Variants in RMND1 observed in about 807,000 individuals in gnomAD.
RMND1 encodes the protein required for meiotic nuclear division protein 1 homolog.
RMND1 carries 41 observed loss-of-function variants against 54.0 expected under a neutral mutation model. That is an observed-to-expected ratio of 0.76 (90% CI 0.59 to 0.98). The LOEUF (loss-of-function observed/expected upper bound fraction) is 0.98. RMND1 is among the 50% of genes least tolerant of loss of function. RMND1 has a pLI of 0.00. For missense variants in RMND1, 457 were observed against 532.0 expected (o/e 0.86, Z 1.39); for synonymous variants, 183 against 181.7 (o/e 1.01, Z -0.06).
At position 151,405,844 on chromosome 6, in the gene RMND1, A is replaced by G. The variant is rs752423262; in HGVS notation, c.1201-8T>C. The G allele has an allele frequency of 4.7e-6, 7 of 1,488,314 alleles. No homozygotes were observed. The South Asian group carries it at 7.9e-5, about 17-fold the overall frequency. The allele number at this position is 1,488,314 out of a possible 1,614,324, so 92.2% of individuals were successfully genotyped here. On this transcript the variant is annotated splice_region_variant and splice_polypyrimidine_tract_variant and intron_variant, in intron 10 of 11. Coordinates refer to ENST00000444024, the MANE Select transcript of RMND1 (RefSeq NM_017909.4). Reference sequence around the variant, plus strand: ...AAGTTTTTCATTCATGACCTATGTAAGAAAAATTTCAGTAACATGTATTTA... The same window carrying G: ...AAGTTTTTCATTCATGACCTATGTAGGAAAAATTTCAGTAACATGTATTTA...
chr6:151,407,916 CA>C (rs1222766377), intron 10 of RMND1, among the ~76,000 whole-genome samples: 2 of 151,664 alleles, frequency 1.3e-5, no homozygotes, highest in Non-Finnish European at 2.9e-5. Context: ...GTCACACACA[CA>C]AAAAAAAGTC....
chr6:151,438,284 G>T (rs1780670522), intron 2 of RMND1, among the ~76,000 whole-genome samples: 1 of 152,214 alleles, frequency 6.6e-6, no homozygotes, highest in African/African-American at 2.4e-5. Context: ...CACTCTGCAA[G>T]ACCTGGCAAA....
In RMND1 at chr6:151,442,192, C is replaced by T. The variant is rs567356791; in HGVS notation, c.504+3116G>A. Among the ~76,000 whole-genome samples the T allele has an allele frequency of 5.3e-5, 8 of 152,264 alleles. No individual in the cohort carries two copies. The South Asian group carries it at 1.2e-3, about 24-fold the overall frequency. On this transcript the variant is annotated intron_variant, in intron 2 of 11. Coordinates refer to ENST00000444024, the MANE Select transcript of RMND1 (RefSeq NM_017909.4). ...GCTATAAAAACACAGATACATTTTA[C>T]GTTACCAAGATCACGCTTTATCCTG...
At chr6:151,441,755 T>C (rs1280074588) in intron 2 of RMND1, among the ~76,000 whole-genome samples, 1 of 152,208 alleles carries the variant, frequency 6.6e-6, no homozygotes, top group Admixed American at 6.5e-5. Context: ...CAGGCCCTTC[T>C]TGACTTCACT....
chr6:151,411,527 A>G (rs1468719878), intron 10 of RMND1: 4 of 152,094 alleles, frequency 2.6e-5, no homozygotes, highest in Non-Finnish European at 5.9e-5. Flanking sequence ...CTTGTTCTCA[A>G]CGGGTGTCCT....
rs548091276 is a variant in RMND1, at chr6:151,420,262, C to T, written c.1079+983G>A. Among the ~76,000 whole-genome samples, 146 of 152,290 alleles carry T rather than the reference C, an allele frequency of 9.6e-4. 4 individuals are homozygous for T. In the South Asian group the frequency reaches 9.9e-3, roughly 10 times the overall value. On this transcript the variant is annotated intron_variant, in intron 9 of 11. Coordinates refer to ENST00000444024, the MANE Select transcript of RMND1 (RefSeq NM_017909.4). The stretch of plus-strand genomic sequence containing the variant: ...GAGGCTTCAGATATGCTGCAGGATG[C>T]TCCTGATGGATGGGTTTTTAAGTTT...
rs759194952 is a variant in RMND1, at chr6:151,417,238, C to G, written c.1200+41G>C. ...TTAAACATATTCAACTTATAGGCGACAACGTGTCTTTTTCTCTCATTAGAA... is the reference window on the plus strand; with the variant it reads ...TTAAACATATTCAACTTATAGGCGAGAACGTGTCTTTTTCTCTCATTAGAA... On this transcript the variant is annotated intron_variant, in intron 10 of 11. Coordinates refer to ENST00000444024, the MANE Select transcript of RMND1 (RefSeq NM_017909.4). 35 of 1,576,462 alleles carry G rather than the reference C, an allele frequency of 2.2e-5. No individual in the cohort carries two copies. The East Asian group carries it at 7.6e-4, about 34-fold the overall frequency.
chr6:151,448,718 C>T (rs55784958), intron 1 of RMND1, among the ~76,000 whole-genome samples: 3,414 of 152,286 alleles, frequency 0.022, 60 homozygotes, highest in South Asian at 0.038. Context: ...CTTCTCAACA[C>T]AGCAACCAAA....
chr6:151,443,563 GCCT>G (rs1780852751), intron 2 of RMND1, among the ~76,000 whole-genome samples: 1 of 152,146 alleles, frequency 6.6e-6, no homozygotes, highest in African/African-American at 2.4e-5. Context: ...GCCTGCCTGG[GCCT>G]CCCAAAGTGT....
chr6:151,431,149 CAACAT>C (rs1221274185), intron 4 of RMND1, among the ~76,000 whole-genome samples: 1 of 151,970 alleles, frequency 6.6e-6, no homozygotes, highest in African/African-American at 2.4e-5. Flanking sequence ...CAAGAGGAGA[CAACAT>C]AGCAGAGGGG....
At chr6:151,444,783 C>T (rs1780902010) in intron 2 of RMND1, among the ~76,000 whole-genome samples, 5 of 152,066 alleles carry the variant, frequency 3.3e-5, no homozygotes, top group African/African-American at 2.4e-5. Flanking sequence ...CCAGAAACCC[C>T]TTAAGGATGA....
At chr6:151,446,131 A>C (rs1780946105) in intron 1 of RMND1, 1 of 247,416 alleles carries the variant, frequency 4.0e-6, no homozygotes, top group Non-Finnish European at 7.9e-6. Context: ...AGTATATAAA[A>C]ATCTGTGCTG....
At chr6:151,423,994 T>C (rs939751675) in intron 6 of RMND1, among the ~76,000 whole-genome samples, 3 of 151,958 alleles carry the variant, frequency 2.0e-5, no homozygotes, top group Non-Finnish European at 4.4e-5. Flanking sequence ...ATTACAGGCA[T>C]GCGTAACCAC....
At chr6:151,437,788 C>G (rs963206661) in intron 2 of RMND1, among the ~76,000 whole-genome samples, 1 of 152,174 alleles carries the variant, frequency 6.6e-6, no homozygotes, top group African/African-American at 2.4e-5. Context: ...AATGGCCTGA[C>G]CCCATTTGCC....
In RMND1 at chr6:151,422,808, GC is replaced by G. The variant is rs753943970; in HGVS notation, c.938-204del. On this transcript the variant is annotated intron_variant, in intron 7 of 11. Transcript: ENST00000444024. ...TAGAGGAAACTGAATCGCTTTCCATGCCCTATTGGAAGACCAAAGCTACATT... is the reference window on the plus strand; with the variant it reads ...TAGAGGAAACTGAATCGCTTTCCATGCCTATTGGAAGACCAAAGCTACATT... 2.6e-5 allele frequency among the ~76,000 whole-genome samples: 4 copies of G among 152,158 alleles called. No homozygotes were observed. The South Asian group carries it at 6.2e-4, about 24-fold the overall frequency.
chr6:151,433,684 G>A (rs1780510081), intron 3 of RMND1, among the ~76,000 whole-genome samples: 1 of 151,976 alleles, frequency 6.6e-6, no homozygotes, highest in African/African-American at 2.4e-5. Context: ...TACTACTCCT[G>A]CTGAATTTTA....
At chr6:151,408,295 C>G (rs1779697733) in intron 10 of RMND1, among the ~76,000 whole-genome samples, 1 of 152,010 alleles carries the variant, frequency 6.6e-6, no homozygotes. Context: ...AGTTTAAGAC[C>G]AGCATGGCCA....
rs7765943 is a variant in RMND1 at position 151,431,124 on chromosome 6, A to T, written c.690-947T>A. Among the ~76,000 whole-genome samples, 1,420 of 152,174 alleles carry T rather than the reference A, an allele frequency of 9.3e-3. 20 individuals are homozygous for T. Among genetic ancestry groups the T allele is most frequent in the African/African-American group, 0.029 (1,218 of 41,508 alleles). ...CCTTTGCTAAAGGACTAGCAGAGGC[A>T]GCCAAATGAGAAAACAAGAGGAGAC... On this transcript the variant is annotated intron_variant, in intron 4 of 11. Transcript: ENST00000444024.
rs755888320 is a variant in RMND1 at position 151,445,789 on chromosome 6, G to A, written c.23C>T (p.Ala8Val). 1.2e-6 allele frequency: 2 copies of A among 1,608,456 alleles called. No individual in the cohort carries two copies. The highest frequency in any genetic ancestry group is 2.2e-5 in the South Asian group (2 of 90,994). Residue 8 changes from alanine (A) to valine (V), a missense_variant, in exon 2 of 12, where the codon GCC (alanine) becomes GTC (valine). By Grantham distance (64) the Ala-to-Val change is moderately conservative. Coordinates refer to ENST00000444024, the MANE Select transcript of RMND1 (RefSeq NM_017909.4). The part of the protein sequence containing the change: MPATLLR[A>V]VARSHHILSK... The stretch of plus-strand genomic sequence containing the variant: ...TAATATATGATGAGATCTGGCCACG[G>A]CTCTGAGGAGTGTGGCTGGCATTAC...
Sources: gnomAD v4.1 joint callset for allele counts (sites outside exome capture counted in the v4.1 genomes callset) on GRCh38, gnomAD v4.1.1 for gene constraint, MANE v1.5 for transcripts, NCBI Gene and HGNC (gene_info 2026-07-23, HGNC 2026-07-21) for gene names.